Variants in TMC3 observed in about 807,000 individuals in gnomAD.
TMC3 encodes transmembrane channel-like protein 3.
A neutral mutation model predicts 110.6 loss-of-function variants in TMC3; 98 were observed. The observed-to-expected ratio is 0.89, with a 90% CI of 0.75 to 1.05. The LOEUF (loss-of-function observed/expected upper bound fraction) is 1.05. TMC3 is among the 50% of genes least tolerant of loss of function. TMC3 has a pLI of 0.00. For missense variants in TMC3, 1,319 were observed against 1,373.2 expected (o/e 0.96, Z 0.62); for synonymous variants, 489 against 513.1 (o/e 0.95, Z 0.63).
rs762613228 is a variant in TMC3, at chr15:81,359,440, GA to G, written c.425del (p.Phe142SerfsTer4). On this transcript the variant is annotated frameshift_variant, in exon 5 of 22. Coordinates refer to ENST00000359440, the MANE Select transcript of TMC3 (RefSeq NM_001080532.3). LOFTEE classifies it high-confidence loss of function. ...TTCCAAATAACCATCTCAAGAATAT[GA>G]AATAGGAGGCAACGCCAGATCCAAA... is the stretch of plus-strand genomic sequence containing the variant. ...SHFGSGVASY[F>X]IFLRWLFGIN... is the part of the protein sequence containing the mutation. 67 of 1,602,416 alleles carry G rather than the reference GA, an allele frequency of 4.2e-5. No individual in the cohort carries two copies. Among genetic ancestry groups the G allele is most frequent in the Non-Finnish European group, 5.6e-5 (66 of 1,175,462 alleles).
rs912204334 is a variant in TMC3 at position 81,359,591 on chromosome 15, A to T, written c.395-120T>A. Reference sequence around the variant, plus strand: ...CGGGACATAGAGTAAGAATGCCATTATTGTACCAATCGAGGTGTTCCTTCC... The same window carrying T: ...CGGGACATAGAGTAAGAATGCCATTTTTGTACCAATCGAGGTGTTCCTTCC... On this transcript the variant is annotated intron_variant, in intron 4 of 21. Transcript: ENST00000359440. 1.9e-5 allele frequency: 12 copies of T among 640,170 alleles called. 1 individual carries two copies. Among genetic ancestry groups the T allele is most frequent in the African/African-American group, 1.7e-4 (9 of 53,646 alleles). The allele number at this position is 640,170 out of a possible 1,614,324, so 39.7% of individuals were successfully genotyped here.
chr15:81,358,556 A>G, intron 5 of TMC3, 56 bp from the exon 6 acceptor site: 2 of 1,426,846 alleles, frequency 1.4e-6, no homozygotes, highest in Non-Finnish European at 1.9e-6. Flanking sequence ...GGACCGGGAG[A>G]AAATGAGAGG....
rs200703748 is a variant in TMC3, at chr15:81,343,961, G to A, written c.1603C>T (p.Arg535Trp). Residue 535 changes from arginine to tryptophan, a missense_variant, in exon 14 of 22, where the codon CGG (arginine) becomes TGG (tryptophan). By Grantham distance (101) the Arg-to-Trp change is moderately radical. Coordinates refer to ENST00000359440, the MANE Select transcript of TMC3 (RefSeq NM_001080532.3). ...LIDFFRGLFV[R>W]YLSDYWCWDL... The stretch of plus-strand genomic sequence containing the variant: ...CAACACCAGTAGTCACTTAAGTACC[G>A]CACGAAAAGTCCTCGGAAGAAGTCT... The A allele has an allele frequency of 5.2e-5, 84 of 1,612,766 alleles. No homozygotes were observed. Among genetic ancestry groups the A allele is most frequent in the African/African-American group, 8.0e-5 (6 of 74,900 alleles).
At chr15:81,349,771 T>TTG (rs1567064924) in intron 10 of TMC3, among the ~76,000 whole-genome samples, 1 of 151,048 alleles carries the variant, frequency 6.6e-6, no homozygotes, top group African/African-American at 2.5e-5. Context: ...TTTTTTTTTT[T>TTG]TTTTTTGAAC....
intron 7 of TMC3, among the ~76,000 whole-genome samples, chr15:81,357,085 A>G (rs1341323928): frequency 6.6e-6 from 1 of 152,008 alleles, no homozygotes; most frequent in Non-Finnish European, 1.5e-5. Context: ...AACTCTCCCT[A>G]CTTTTTAGAG....
chr15:81,356,304 T>C (rs1324428981), intron 8 of TMC3, 143 bp downstream of exon 8: 2 of 724,886 alleles, frequency 2.8e-6, no homozygotes, highest in African/African-American at 1.8e-5. Flanking sequence ...TCCTGGAGCA[T>C]GTTCACCTCA....
In TMC3 at chr15:81,338,710, C is replaced by T. The variant is rs756289814; in HGVS notation, c.2026G>A (p.Val676Met). Residue 676 changes from valine (V) to methionine (M), a missense_variant, in exon 18 of 22, where the codon GTG becomes ATG. Transcript: ENST00000359440. ...EKDFPVWFGSVVGHISSPVVI... is the reference protein window; with the variant it reads ...EKDFPVWFGSMVGHISSPVVI... ...ACGGGGCTACTGATGTGTCCAACCA[C>T]GGAGCCAAACCACACAGGAAAGTCT... is the stretch of plus-strand genomic sequence containing the variant. The T allele has an allele frequency of 8.1e-6, 13 of 1,614,000 alleles. No individual in the cohort carries two copies. The South Asian group carries it at 8.8e-5, about 11-fold the overall frequency.
At chr15:81,338,859 A>G (rs1415656870) in intron 17 of TMC3, 79 bp from the exon 18 acceptor site, 2 of 1,534,922 alleles carry the variant, frequency 1.3e-6, no homozygotes, top group African/African-American at 2.7e-5. Flanking sequence ...AAATGGCTGG[A>G]TGCCTGGAGG....
At chr15:81,343,204 A>T in intron 15 of TMC3, 74 bp downstream of exon 15, 2 of 931,034 alleles carry the variant, frequency 2.1e-6, no homozygotes, top group East Asian at 2.4e-5. Flanking sequence ...GTCGTGTCCC[A>T]TCTAGACTAA....
intron 5 of TMC3, 107 bp downstream of exon 5, chr15:81,359,241 CAAGCCCTGCTTTACACA>C: frequency 1.3e-6 from 1 of 741,638 alleles, no homozygotes; most frequent in East Asian, 2.9e-5. Context: ...AAAAGTTTGC[CAAGCCCTGCTTTACACA>C]AACACATATA....
intron 9 of TMC3, 77 bp downstream of exon 9, chr15:81,355,647 AG>A: frequency 1.1e-6 from 1 of 906,558 alleles, no homozygotes. Flanking sequence ...AATAAGATAT[AG>A]ATGATCTGGT....
chr15:81,350,423 G>C (rs1410341974), intron 10 of TMC3, among the ~76,000 whole-genome samples: 1 of 140,882 alleles, frequency 7.1e-6, no homozygotes, highest in East Asian at 2.0e-4. Flanking sequence ...AGAGAATTAG[G>C]CCTGGCTTTT....
At chr15:81,333,993 A>C in intron 21 of TMC3, among the ~76,000 whole-genome samples, 1 of 147,240 alleles carries the variant, frequency 6.8e-6, no homozygotes, top group South Asian at 2.1e-4. Context: ...CCTAGTCTCA[A>C]AAAAAAAAAA....
At chr15:81,372,941 T>C (rs1251182737) in intron 1 of TMC3, among the ~76,000 whole-genome samples, 3 of 151,860 alleles carry the variant, frequency 2.0e-5, no homozygotes, top group Non-Finnish European at 4.4e-5. Context: ...CCAGTGTCAG[T>C]AGCCTGTTGA....
rs1304652332 is a variant in TMC3 at position 81,331,852 on chromosome 15, G to C, written c.*567C>G. 6.7e-6 allele frequency: 1 copy of C among 150,228 alleles called. No individual in the cohort carries two copies. The highest frequency in any genetic ancestry group is 1.5e-5 in the Non-Finnish European group (1 of 68,406). 9.3% of individuals were successfully genotyped at this position (150,228 alleles called of 1,614,324 possible). A position where few individuals can be genotyped will look rare whatever the true frequency, so the allele number is the denominator to read the frequency against. On this transcript the variant is annotated 3_prime_UTR_variant, in exon 22 of 22. Transcript: ENST00000359440. ...CACACTGCGCATGCTCCCCTCCCCA[G>C]CGCTAGCAGGCCACTACTGCGCATG...
Position 81,351,828 on chromosome 15 carries a change from A to T in TMC3, c.949T>A (p.Cys317Ser). 6.2e-7 allele frequency: 1 copy of T among 1,612,434 alleles called. No individual in the cohort carries two copies. Among genetic ancestry groups the T allele is most frequent in the Non-Finnish European group, 8.5e-7 (1 of 1,179,298 alleles). ...KKSKNLAVTICLRIIANILVL... is the reference protein window; with the variant it reads ...KKSKNLAVTISLRIIANILVL... ...AGGATGTTGGCAATAATCCTCAGGC[A>T]GATGGTCACTGCCCTGGGGAGAGAA... The change falls in exon 10 of 22, where the codon TGC (cysteine) becomes AGC (serine). Residue 317 changes from cysteine (C) to serine (S), a missense_variant. Physicochemically the swap from Cys to Ser is moderately radical, Grantham distance 112. Transcript: ENST00000359440.
chr15:81,368,683 C>T (rs1320105130), intron 2 of TMC3, among the ~76,000 whole-genome samples: 4 of 152,272 alleles, frequency 2.6e-5, no homozygotes, highest in Non-Finnish European at 5.9e-5. Context: ...TCGGCCTCTT[C>T]ACTTAGCAAT....
At chr15:81,337,503 C>T in intron 19 of TMC3, 1 of 399,988 alleles carries the variant, frequency 2.5e-6, no homozygotes, top group Non-Finnish European at 4.7e-6. Flanking sequence ...GGGAAGGGGC[C>T]CTTTCTCTCC....
intron 10 of TMC3, among the ~76,000 whole-genome samples, chr15:81,351,054 A>T (rs1190859127): frequency 6.6e-6 from 1 of 152,244 alleles, no homozygotes; most frequent in Non-Finnish European, 1.5e-5. Context: ...TGTTAATTCC[A>T]GTCTGCAGGA....
Sources: allele counts gnomAD v4.1 joint callset (sites outside exome capture counted in the v4.1 genomes callset), GRCh38; gene constraint gnomAD v4.1.1; transcripts MANE v1.5; gene names NCBI Gene and HGNC (gene_info 2026-07-23, HGNC 2026-07-21).